Variants in CFAP54 observed in about 807,000 individuals in gnomAD.
The protein encoded by CFAP54 is cilia and flagella associated protein 54, also known as cilia- and flagella-associated protein 54.
A neutral mutation model predicts 370.4 loss-of-function variants in CFAP54; 290 were observed. The ratio of observed to expected loss-of-function variants is 0.78; its 90% CI spans 0.71 to 0.86. The LOEUF is 0.86. CFAP54 is among the 40% of genes least tolerant of loss of function. The pLI is 0.00. For missense variants in CFAP54, 3,399 were observed against 3,528.7 expected (o/e 0.96, Z 0.93); for synonymous variants, 1,206 against 1,236.5 (o/e 0.98, Z 0.52).
intron 66 of CFAP54, among the ~76,000 whole-genome samples, chr12:96,835,267 G>A (rs1959182493): frequency 1.3e-5 from 2 of 152,074 alleles, no homozygotes; most frequent in African/African-American, 4.8e-5. Context: ...CCTGCTATCA[G>A]CAGAGAGGGT....
chr12:96,505,128 A>T (rs1377213033), intron 3 of CFAP54, among the ~76,000 whole-genome samples: 7 of 138,764 alleles, frequency 5.0e-5, no homozygotes, highest in Non-Finnish European at 1.5e-5. Context: ...CAGTGGCATG[A>T]TCTCAGTTCA....
intron 64 of CFAP54, among the ~76,000 whole-genome samples, chr12:96,816,959 C>T (rs1008384206): frequency 7.2e-5 from 11 of 152,194 alleles, no homozygotes; most frequent in African/African-American, 2.4e-4. Flanking sequence ...TCCCTACCTC[C>T]CTTCCTCCAC....
chr12:96,626,144 G>A (rs1289568420), intron 29 of CFAP54, among the ~76,000 whole-genome samples: 3 of 152,146 alleles, frequency 2.0e-5, no homozygotes, highest in Non-Finnish European at 4.4e-5. Context: ...AGCACTTTGG[G>A]AGGCCAAGGC....
At position 96,538,800 on chromosome 12, in the gene CFAP54, G is replaced by A. The variant is rs139378887; in HGVS notation, c.1926+282G>A. 1,673 of 290,468 alleles carry A rather than the reference G, an allele frequency of 5.8e-3. 4 individuals are homozygous for A. The highest frequency in any genetic ancestry group is 8.3e-3 in the Non-Finnish European group (1,281 of 154,330). 18.0% of individuals were successfully genotyped at this position (290,468 alleles called of 1,614,324 possible). A position where few individuals can be genotyped will look rare whatever the true frequency, so the allele number is the denominator to read the frequency against. On this transcript the variant is annotated intron_variant, in intron 13 of 67. Transcript: ENST00000524981. ...GTCTTGCTCTGTCCTGGAGGCTGCA[G>A]TAGTATGGTACCATGATCTTGGCTC... is the stretch of plus-strand genomic sequence containing the variant.
chr12:96,521,754 T>G (rs1434976784), intron 6 of CFAP54, 103 bp from the exon 7 acceptor site: 11 of 837,048 alleles, frequency 1.3e-5, no homozygotes, highest in Non-Finnish European at 2.0e-5. Context: ...TAGAGCTTAA[T>G]TCACAGATTA....
At chr12:96,761,851 T>C (rs1592747633) in intron 58 of CFAP54, among the ~76,000 whole-genome samples, 1 of 152,224 alleles carries the variant, frequency 6.6e-6, no homozygotes, top group South Asian at 2.1e-4. Flanking sequence ...CCTCTAAATC[T>C]ACCTTTACTT....
chr12:96,704,855 A>G, intron 47 of CFAP54, 59 bp downstream of exon 47: 2 of 586,702 alleles, frequency 3.4e-6, no homozygotes, highest in South Asian at 4.2e-5. Flanking sequence ...TTTTTGAGTC[A>G]TTCTAATCTA....
At chr12:96,664,027 T>C in intron 39 of CFAP54, 95 bp downstream of exon 39, 1 of 926,186 alleles carries the variant, frequency 1.1e-6, no homozygotes, top group Non-Finnish European at 1.7e-6. Context: ...AGTATGTTTG[T>C]AAAAATGTAT....
At chr12:96,642,508 G>C (rs950778674) in intron 32 of CFAP54, among the ~76,000 whole-genome samples, 1 of 151,974 alleles carries the variant, frequency 6.6e-6, no homozygotes, top group Non-Finnish European at 1.5e-5. Flanking sequence ...CTATCTCTCT[G>C]TATCTAAAAC....
chr12:96,565,575 A>G (rs1320333044), intron 19 of CFAP54, among the ~76,000 whole-genome samples: 1 of 152,164 alleles, frequency 6.6e-6, no homozygotes, highest in Non-Finnish European at 1.5e-5. Context: ...AATTTAGCAT[A>G]ATAGTATGCT....
In CFAP54 at chr12:96,625,838, A is replaced by C. The variant is rs775895007; in HGVS notation, c.3976+31A>C. 393 of 1,412,606 alleles carry C rather than the reference A, an allele frequency of 2.8e-4. 1 individual carries two copies. Among genetic ancestry groups the C allele is most frequent in the Non-Finnish European group, 4.4e-5 (46 of 1,042,426 alleles). 87.5% of individuals were successfully genotyped at this position (1,412,606 alleles called of 1,614,324 possible). ...TGAACTGGATGTGTATATGCTGTTCACTCGATTTATCACTGAAGAGAATTA... is the reference window on the plus strand; with the variant it reads ...TGAACTGGATGTGTATATGCTGTTCCCTCGATTTATCACTGAAGAGAATTA... On this transcript the variant is annotated intron_variant, in intron 29 of 67. Transcript: ENST00000524981.
chr12:96,539,063 G>T (rs1955540064), intron 13 of CFAP54, among the ~76,000 whole-genome samples: 1 of 102,322 alleles, frequency 9.8e-6, no homozygotes, highest in African/African-American at 3.6e-5. Flanking sequence ...GGCCTTTTCA[G>T]GTTTTTTTTT....
intron 33 of CFAP54, among the ~76,000 whole-genome samples, chr12:96,647,639 A>G (rs1202185261): frequency 1.3e-5 from 2 of 152,004 alleles, no homozygotes; most frequent in Non-Finnish European, 2.9e-5. Flanking sequence ...TCCCATTTTC[A>G]AGAGCCCTTT....
intron 32 of CFAP54, among the ~76,000 whole-genome samples, chr12:96,638,249 A>G (rs879687608): frequency 0.012 from 1,696 of 146,608 alleles, 18 homozygotes; most frequent in South Asian, 0.022. Context: ...GTGTATATAT[A>G]TATATATTTA....
chr12:96,698,575 GA>G (rs1957459276), intron 45 of CFAP54, among the ~76,000 whole-genome samples: 1 of 152,116 alleles, frequency 6.6e-6, no homozygotes, highest in Admixed American at 6.6e-5. Context: ...ACTAACCCAG[GA>G]ACAGAAAACC....
At chr12:96,861,514 A>G (rs532676423) in intron 67 of CFAP54, among the ~76,000 whole-genome samples, 2 of 152,338 alleles carry the variant, frequency 1.3e-5, no homozygotes, top group South Asian at 4.1e-4. Flanking sequence ...TTGGGAAAAA[A>G]TCTGTAGCAA....
Position 96,708,671 on chromosome 12 carries a change from C to G in CFAP54, c.6592C>G (p.Leu2198Val), listed in dbSNP as rs1957572475. ...TCTGGTTACAATTGGCCAACCACAT[C>G]TCTTAAATAAGTTTAATTTTGTTAA... is the stretch of plus-strand genomic sequence containing the variant. ...AVLVTIGQPHLLNKFNFVKAY... is the reference protein window; with the variant it reads ...AVLVTIGQPHVLNKFNFVKAY... Residue 2198 changes from leucine (L) to valine (V), a missense_variant, in exon 48 of 68, where the codon CTC becomes GTC. Coordinates refer to ENST00000524981, the MANE Select transcript of CFAP54 (RefSeq NM_001306084.2). 1 of 1,612,098 alleles carries G rather than the reference C, an allele frequency of 6.2e-7. No individual in the cohort carries two copies. Among genetic ancestry groups the G allele is most frequent in the Non-Finnish European group, 8.5e-7 (1 of 1,179,486 alleles).
chr12:96,810,360 C>T (rs990363791), intron 63 of CFAP54, among the ~76,000 whole-genome samples: 13 of 151,998 alleles, frequency 8.6e-5, no homozygotes, highest in South Asian at 4.2e-4. Flanking sequence ...TGTGTACTTA[C>T]GCCTTTTAAA....
intron 63 of CFAP54, among the ~76,000 whole-genome samples, chr12:96,806,159 AATATATATATATATATATATATAT>A (rs548500750): frequency 0.013 from 361 of 27,918 alleles, 25 homozygotes; most frequent in African/African-American, 0.024. Context: ...TCACTAGCCA[AATATATATATATATATATATATAT>A]ATATATATAT....
Sources: allele counts gnomAD v4.1 joint callset (sites outside exome capture counted in the v4.1 genomes callset), GRCh38; gene constraint gnomAD v4.1.1; transcripts MANE v1.5; gene names NCBI Gene and HGNC (gene_info 2026-07-23, HGNC 2026-07-21).